The following CCDC183 variants were observed in gnomAD, a reference collection of about 807,000 sequenced individuals.
The protein encoded by CCDC183 is coiled-coil domain-containing protein 183.
In CCDC183, 63 loss-of-function variants were observed where a neutral mutation model predicts 65.2. That is an observed-to-expected ratio of 0.97 (90% CI 0.79 to 1.19). The LOEUF is 1.19. CCDC183 is among the 50% of genes most tolerant of loss of function. CCDC183 has a pLI of 0.00. For synonymous variants in CCDC183, 323 were observed against 276.5 expected (o/e 1.17, Z -1.67); for missense variants, 769 against 689.3 (o/e 1.12, Z -1.30).
chr9:136,806,154 G>C lies in CCDC183; in HGVS notation c.1025G>C (p.Trp342Ser). 1 of 1,550,496 alleles carries C rather than the reference G, an allele frequency of 6.4e-7. No individual in the cohort carries two copies. The highest frequency in any genetic ancestry group is 8.7e-7 in the Non-Finnish European group (1 of 1,146,676). ...CTGCAGATGGAGGACTGTGAGGAGT[G>C]GCGGGTGCAGCTGAAGGCCCTGGTG... ...LELQMEDCEE[W>S]RVQLKALVKQ... The change falls in exon 10 of 14, where the codon TGG (tryptophan) becomes TCG (serine). Residue 342 changes from tryptophan to serine, a missense_variant. By Grantham distance (177) the Trp-to-Ser change is radical (BLOSUM62 -3). Coordinates refer to ENST00000338005, the MANE Select transcript of CCDC183 (RefSeq NM_001039374.5).
In CCDC183 at chr9:136,804,800, C is replaced by T. The variant is rs1847813610; in HGVS notation, c.831C>T (p.Ser277=). ...TGGACTTCCCCTCGAACCTGATGAG[C>T]ACGGAGACCCTGAAATGTAAGCGCT... ...MDLDFPSNLM[S]TETLKLRRKE... The change falls in exon 8 of 14, where the codon AGC becomes AGT. Residue 277 remains serine, a synonymous_variant. Coordinates refer to ENST00000338005, the MANE Select transcript of CCDC183 (RefSeq NM_001039374.5). The surrounding 1 kb of genome is among the most constrained non-coding windows in gnomAD (Gnocchi z 4.1). The T allele has an allele frequency of 6.2e-7, 1 of 1,613,696 alleles. No homozygotes were observed. Among genetic ancestry groups the T allele is most frequent in the Non-Finnish European group, 8.5e-7 (1 of 1,179,936 alleles).
At chr9:136,805,216 G>C (rs553177477) in intron 8 of CCDC183, 141 bp from the exon 9 acceptor site, 3 of 670,402 alleles carry the variant, frequency 4.5e-6, no homozygotes, top group Non-Finnish European at 7.7e-6. Flanking sequence ...AGGTTGGGGC[G>C]GGGGCAGGCA....
intron 5 of CCDC183, 27 bp from the exon 6 acceptor site, chr9:136,802,637 G>A (rs1588332455): frequency 6.3e-7 from 1 of 1,595,786 alleles, no homozygotes; most frequent in Non-Finnish European, 8.5e-7. Context: ...CTCTGTAGGG[G>A]CCACAAGAGA....
In CCDC183 at chr9:136,803,474, C is replaced by T. The variant is rs535527422; in HGVS notation, c.666+688C>T. ...AGTAGAGGAGAGGGAGAGAACTGGC[C>T]GGGCCAGGGCGGGGGTCACCTATTC... On this transcript the variant is annotated intron_variant, in intron 6 of 13. Coordinates refer to ENST00000338005, the MANE Select transcript of CCDC183 (RefSeq NM_001039374.5). 3.0e-3 allele frequency among the ~76,000 whole-genome samples: 455 copies of T among 151,866 alleles called. 1 individual carries two copies. The highest frequency in any genetic ancestry group is 0.011 in the African/African-American group (448 of 41,424).
At chr9:136,799,353 G>A (rs1847701216) in intron 2 of CCDC183, 130 bp downstream of exon 2, 2 of 1,376,714 alleles carry the variant, frequency 1.5e-6, no homozygotes, top group East Asian at 2.5e-5. Flanking sequence ...CATGTGAGGA[G>A]GGGCTCTGCT....
rs567332449 is a variant in CCDC183 at position 136,805,198 on chromosome 9, G to A, written c.848-159G>A. 6.3e-6 allele frequency: 4 copies of A among 634,404 alleles called. No homozygotes were observed. The South Asian group carries it at 7.6e-5, about 12-fold the overall frequency. 39.3% of individuals were successfully genotyped at this position (634,404 alleles called of 1,614,324 possible). A position where few individuals can be genotyped will look rare whatever the true frequency, so the allele number is the denominator to read the frequency against. On this transcript the variant is annotated intron_variant, in intron 8 of 13. Transcript: ENST00000338005. Reference sequence around the variant, plus strand: ...GGCGTCCCTGCAGGGCTGGGCTGAGGAGGGAGCAGGTTGGGGCGGGGGCAG... The same window carrying A: ...GGCGTCCCTGCAGGGCTGGGCTGAGAAGGGAGCAGGTTGGGGCGGGGGCAG...
chr9:136,803,219 GC>G (rs1394406646), intron 6 of CCDC183, among the ~76,000 whole-genome samples: 9 of 75,810 alleles, frequency 1.2e-4, no homozygotes, highest in East Asian at 3.7e-4. Flanking sequence ...AGGGCTGGGG[GC>G]CCCCCAGGGC....
chr9:136,798,714 A>T (rs946034991), intron 1 of CCDC183, among the ~76,000 whole-genome samples: 2 of 152,126 alleles, frequency 1.3e-5, no homozygotes, highest in African/African-American at 4.8e-5. Flanking sequence ...GCATGGAGGG[A>T]CTAAATCAGA....
At position 136,804,995 on chromosome 9, in the gene CCDC183, C is replaced by G. The variant is rs1231851108; in HGVS notation, c.847+179C>G. 1.6e-6 allele frequency: 1 copy of G among 622,052 alleles called. No homozygotes were observed. Among genetic ancestry groups the G allele is most frequent in the Non-Finnish European group, 2.8e-6 (1 of 354,770 alleles). 38.5% of individuals were successfully genotyped at this position (622,052 alleles called of 1,614,324 possible). ...CTGAGAGCCTGTAGCCAAATGTGGCCTCAGAGATGCTGGCCCCAGCACCCA... is the reference window on the plus strand; with the variant it reads ...CTGAGAGCCTGTAGCCAAATGTGGCGTCAGAGATGCTGGCCCCAGCACCCA... On this transcript the variant is annotated intron_variant, in intron 8 of 13. Transcript: ENST00000338005. The surrounding 1 kb of genome is among the most constrained non-coding windows in gnomAD (Gnocchi z 4.1).
chr9:136,799,254 G>C, intron 2 of CCDC183, 31 bp downstream of exon 2: 1 of 1,571,762 alleles, frequency 6.4e-7, no homozygotes, highest in Non-Finnish European at 8.6e-7. Context: ...CCCTCTGCCT[G>C]GCGAGCAGGG....
At position 136,804,889 on chromosome 9, in the gene CCDC183, A is replaced by G. The variant is rs546742333; in HGVS notation, c.847+73A>G. 9.2e-5 allele frequency: 124 copies of G among 1,352,014 alleles called. No individual in the cohort carries two copies. In the African/African-American group the frequency reaches 1.7e-3, roughly 18 times the overall value. The allele number at this position is 1,352,014 out of a possible 1,614,324, so 83.8% of individuals were successfully genotyped here. The stretch of plus-strand genomic sequence containing the variant: ...GGCTGGCACTGATTCAGGCCAACGG[A>G]TCAAGTCACCCTGAGGCCAGGTGTG... On this transcript the variant is annotated intron_variant, in intron 8 of 13. Coordinates refer to ENST00000338005, the MANE Select transcript of CCDC183 (RefSeq NM_001039374.5). The surrounding 1 kb of genome is among the most constrained non-coding windows in gnomAD (Gnocchi z 4.1).
chr9:136,806,204 G>A lies in CCDC183; in HGVS notation c.1075G>A (p.Val359Met), dbSNP rs201907900. The part of the protein sequence containing the change: ...LVKQLELEEA[V>M]LKFRQKPSSI... ...GAAGCAGCTGGAGCTGGAGGAGGCC[G>A]TGCTCAAGTTCCGCCAGAAGCCTAG... The change falls in exon 10 of 14, where the codon GTG becomes ATG. Residue 359 changes from valine to methionine, a missense_variant. Physicochemically the swap from Val to Met is conservative, Grantham distance 21. Transcript: ENST00000338005. 1.1e-4 allele frequency: 171 copies of A among 1,581,158 alleles called. 2 individuals carry two copies. The African/African-American group carries it at 1.3e-3, about 12-fold the overall frequency.
At chr9:136,798,619 G>C (rs1228336144) in intron 1 of CCDC183, among the ~76,000 whole-genome samples, 1 of 152,182 alleles carries the variant, frequency 6.6e-6, no homozygotes, top group East Asian at 1.9e-4. Flanking sequence ...TTTTAATACA[G>C]GGACAATCCA....
At position 136,806,625 on chromosome 9, in the gene CCDC183, G is replaced by A. The variant is rs373696571; in HGVS notation, c.1231G>A (p.Asp411Asn). The A allele has an allele frequency of 5.6e-6, 9 of 1,613,614 alleles. No homozygotes were observed. The African/African-American group carries it at 6.7e-5, about 12-fold the overall frequency. Reference sequence around the variant, plus strand: ...GCTGCTGACCATCCAGATGGGCATCGACAACCTCTATGTCCGGCTGATGGG... The same window carrying A: ...GCTGCTGACCATCCAGATGGGCATCAACAACCTCTATGTCCGGCTGATGGG... ...ELLLTIQMGI[D>N]NLYVRLMGIN... Residue 411 changes from aspartate to asparagine, a missense_variant, in exon 11 of 14, where the codon GAC becomes AAC. By Grantham distance (23) the Asp-to-Asn change is conservative. Transcript: ENST00000338005.
chr9:136,800,756 C>T (rs1847726393), intron 5 of CCDC183: 1 of 443,576 alleles, frequency 2.3e-6, no homozygotes, highest in East Asian at 4.7e-5. Flanking sequence ...TGTATCTTGC[C>T]TGTCATTTTC....
intron 4 of CCDC183, 39 bp downstream of exon 4, chr9:136,800,208 T>C (rs1331164674): frequency 3.6e-5 from 8 of 220,144 alleles, no homozygotes; most frequent in East Asian, 1.2e-4. Flanking sequence ...CGGAGTCCAC[T>C]GGGGCAAGAC....
At chr9:136,800,747 G>C (rs1281854555) in intron 5 of CCDC183, 6 of 481,178 alleles carry the variant, frequency 1.2e-5, no homozygotes, top group Non-Finnish European at 2.2e-5. Flanking sequence ...GGTATTGTTT[G>C]TATCTTGCCT....
Position 136,802,708 on chromosome 9 carries a change from C to T in CCDC183, c.588C>T (p.Leu196=), listed in dbSNP as rs199891165. Residue 196 remains leucine (L), a synonymous_variant, in exon 6 of 14, where the codon CTC becomes CTT. Transcript: ENST00000338005. Reference sequence around the variant, plus strand: ...TTGAGCTGGACAAGCTGCAGAACCTCGTGGTCAACTACTGCTCAGAGCTGT... The same window carrying T: ...TTGAGCTGGACAAGCTGCAGAACCTTGTGGTCAACTACTGCTCAGAGCTGT... ...YPIELDKLQN[L]VVNYCSELSD... is the part of the protein sequence containing the mutation. 3.2e-5 allele frequency: 51 copies of T among 1,613,540 alleles called. 1 individual carries two copies. The highest frequency in any genetic ancestry group is 2.2e-4 in the Admixed American group (13 of 59,978).
rs201098545 is a variant in CCDC183, at chr9:136,800,003, T to A, written c.272T>A (p.Val91Glu). 3.1e-3 allele frequency: 4,954 copies of A among 1,585,708 alleles called. 19 individuals carry two copies. The highest frequency in any genetic ancestry group is 3.2e-3 in the Non-Finnish European group (3,677 of 1,166,908). The change falls in exon 4 of 14, where the codon GTG (valine) becomes GAG (glutamate). Residue 91 changes from valine (V) to glutamate (E), a missense_variant and splice_region_variant. Coordinates refer to ENST00000338005, the MANE Select transcript of CCDC183 (RefSeq NM_001039374.5). ...TGGGCGGTGCCCTTCCCGACCCAGG[T>A]GGTGCGGGAGAAGCTGCGCAAGTAC... ...RLAHCRSTME[V>E]VREKLRKYVF...
Sources: allele counts gnomAD v4.1 joint callset (sites outside exome capture counted in the v4.1 genomes callset), GRCh38; gene constraint gnomAD v4.1.1; non-coding constraint Gnocchi (gnomAD v3.1); transcripts MANE v1.5; gene names NCBI Gene and HGNC (gene_info 2026-07-23, HGNC 2026-07-21).